Variants in FUT9 observed in about 807,000 individuals in gnomAD.
The protein encoded by FUT9 is fucosyltransferase 9.
A neutral mutation model predicts 29.7 loss-of-function variants in FUT9; 15 were observed. The ratio of observed to expected loss-of-function variants is 0.51; its 90% CI spans 0.34 to 0.78. The LOEUF (loss-of-function observed/expected upper bound fraction) is 0.78, where lower values mean the gene tolerates loss of function less well. FUT9 is among the 30% of genes least tolerant of loss of function. The pLI is 0.01. For synonymous variants in FUT9, 169 were observed against 153.7 expected, an observed-to-expected ratio of 1.10 and a Z score of -0.74; for missense variants, 319 against 425.4, an observed-to-expected ratio of 0.75 and a Z score of 2.20.
At chr6:96,171,078 G>T in intron 2 of FUT9, among the ~76,000 whole-genome samples, 1 of 152,168 alleles carries the variant, frequency 6.6e-6, no homozygotes, top group East Asian at 1.9e-4. Context: ...AAACAGAAGT[G>T]CAGAACAGGG....
intron 2 of FUT9, among the ~76,000 whole-genome samples, chr6:96,188,055 A>C (rs2127987837): frequency 6.6e-6 from 1 of 151,830 alleles, no homozygotes. Context: ...ACCTTTCTAC[A>C]CTCTCCTGAT....
chr6:96,211,658 T>G lies in FUT9; in HGVS notation c.*7423T>G, dbSNP rs968777338. 1 of 167,786 alleles carries G rather than the reference T, an allele frequency of 6.0e-6. No homozygotes were observed. Among genetic ancestry groups the G allele is most frequent in the Non-Finnish European group, 1.5e-5 (1 of 68,662 alleles). 10.4% of individuals were successfully genotyped at this position (167,786 alleles called of 1,614,324 possible). A position where few individuals can be genotyped will look rare whatever the true frequency, so the allele number is the denominator to read the frequency against. On this transcript the variant is annotated 3_prime_UTR_variant, in exon 3 of 3. Coordinates refer to ENST00000302103, the MANE Select transcript of FUT9 (RefSeq NM_006581.4). The stretch of plus-strand genomic sequence containing the variant: ...AAGGCTACCATAATTGCATAATAAA[T>G]AGCTTTGACGTGAATAATCTCAGTT...
At chr6:96,159,011 T>C (rs1009229438) in intron 2 of FUT9, among the ~76,000 whole-genome samples, 1 of 152,150 alleles carries the variant, frequency 6.6e-6, no homozygotes, top group African/African-American at 2.4e-5. Context: ...ATTGCAAAAG[T>C]GCTGTTTAAA....
chr6:96,033,975 A>C (rs79624049), intron 1 of FUT9, among the ~76,000 whole-genome samples: 3,406 of 151,658 alleles, frequency 0.022, 126 homozygotes, highest in African/African-American at 0.078. Context: ...AAAACCCTCC[A>C]AAATTTAAAA....
At chr6:96,098,518 A>G (rs898260164) in intron 1 of FUT9, among the ~76,000 whole-genome samples, 3 of 152,100 alleles carry the variant, frequency 2.0e-5, no homozygotes, top group Non-Finnish European at 4.4e-5. Flanking sequence ...CCATATTTTT[A>G]CCATTAAATT....
chr6:96,150,085 C>G (rs1582268687), intron 2 of FUT9, among the ~76,000 whole-genome samples: 1 of 152,192 alleles, frequency 6.6e-6, no homozygotes, highest in East Asian at 1.9e-4. Context: ...ATAAACTCTG[C>G]CTACCTGGGT....
chr6:96,046,718 A>G (rs1313982224), intron 1 of FUT9, among the ~76,000 whole-genome samples: 1 of 152,248 alleles, frequency 6.6e-6, no homozygotes, highest in East Asian at 1.9e-4. Flanking sequence ...AATTCTGGCA[A>G]CATGGCAAGT....
At chr6:96,028,200 T>C (rs868791242) in intron 1 of FUT9, among the ~76,000 whole-genome samples, 3 of 151,044 alleles carry the variant, frequency 2.0e-5, no homozygotes, top group Middle Eastern at 3.4e-3. Context: ...TCTAGAAAAA[T>C]AGAGACAAAT....
At chr6:96,145,502 GGTAAA>G (rs1772549480) in intron 2 of FUT9, among the ~76,000 whole-genome samples, 1 of 152,064 alleles carries the variant, frequency 6.6e-6, no homozygotes, top group Non-Finnish European at 1.5e-5. Flanking sequence ...TTTGGAAAGG[GGTAAA>G]GTAAAAGATA....
chr6:96,126,294 G>T (rs962217947), intron 2 of FUT9, among the ~76,000 whole-genome samples: 1 of 152,164 alleles, frequency 6.6e-6, no homozygotes, highest in African/African-American at 2.4e-5. Context: ...AAGGCAAGGA[G>T]AGCCAGTGTG....
intron 2 of FUT9, among the ~76,000 whole-genome samples, chr6:96,125,650 C>A (rs370532860): frequency 9.2e-5 from 14 of 152,120 alleles, no homozygotes; most frequent in African/African-American, 3.4e-4. Flanking sequence ...GGGAACAGGG[C>A]TAGAATTGAA....
intron 1 of FUT9, among the ~76,000 whole-genome samples, chr6:96,079,603 T>C (rs1771201992): frequency 6.6e-6 from 1 of 152,178 alleles, no homozygotes; most frequent in African/African-American, 2.4e-5. Context: ...TTCTCGATAT[T>C]GGCATCACCA....
intron 2 of FUT9, among the ~76,000 whole-genome samples, chr6:96,183,313 C>G (rs1268836071): frequency 1.3e-5 from 2 of 152,002 alleles, no homozygotes; most frequent in Non-Finnish European, 2.9e-5. Flanking sequence ...GGAAACTTTG[C>G]TGAATTCTTT....
intron 2 of FUT9, among the ~76,000 whole-genome samples, chr6:96,121,502 A>G (rs2127965112): frequency 6.6e-6 from 1 of 152,336 alleles, no homozygotes; most frequent in South Asian, 2.1e-4. Flanking sequence ...TCAAGTAGTT[A>G]GAATAAGTAG....
intron 1 of FUT9, among the ~76,000 whole-genome samples, chr6:96,071,716 C>T (rs892748873): frequency 3.3e-5 from 5 of 152,088 alleles, no homozygotes; most frequent in African/African-American, 1.2e-4. Context: ...TCTTCTATCC[C>T]TAAACATCTA....
chr6:96,175,906 G>A (rs1054021047), intron 2 of FUT9, among the ~76,000 whole-genome samples: 6 of 152,168 alleles, frequency 3.9e-5, no homozygotes, highest in Non-Finnish European at 8.8e-5. Context: ...TTTCATCAAT[G>A]GATTCAGTAA....
At chr6:96,060,854 A>G (rs1770861656) in intron 1 of FUT9, among the ~76,000 whole-genome samples, 2 of 152,190 alleles carry the variant, frequency 1.3e-5, no homozygotes, top group South Asian at 2.1e-4. Flanking sequence ...CTTAACCTTT[A>G]CAGAGGCATT....
intron 1 of FUT9, among the ~76,000 whole-genome samples, chr6:96,098,178 ATCT>A (rs1771532278): frequency 6.6e-6 from 1 of 152,116 alleles, no homozygotes; most frequent in African/African-American, 2.4e-5. Context: ...TGCTTCTTAG[ATCT>A]TCTCTTTCCC....
rs1773920986 is a variant in FUT9 at position 96,210,665 on chromosome 6, AC to A, written c.*6431del. On this transcript the variant is annotated 3_prime_UTR_variant, in exon 3 of 3. Transcript: ENST00000302103. ...ATGTTTATATTTTGCAACAGGAAAGACTGGTCTAGACAATTACTAGGATATA... is the reference window on the plus strand; with the variant it reads ...ATGTTTATATTTTGCAACAGGAAAGATGGTCTAGACAATTACTAGGATATA... 1 of 166,936 alleles carries A rather than the reference AC, an allele frequency of 6.0e-6. No individual in the cohort carries two copies. The highest frequency in any genetic ancestry group is 1.5e-5 in the Non-Finnish European group (1 of 68,028). The allele number at this position is 166,936 out of a possible 1,614,324, so 10.3% of individuals were successfully genotyped here.
Sources: gnomAD v4.1 joint callset for allele counts (sites outside exome capture counted in the v4.1 genomes callset) on GRCh38, gnomAD v4.1.1 for gene constraint, MANE v1.5 for transcripts, NCBI Gene and HGNC (gene_info 2026-07-23, HGNC 2026-07-21) for gene names.